SLC7A2: variants seen among roughly 807,000 people sequenced by gnomAD.
SLC7A2 encodes solute carrier family 7 member 2, also known as cationic amino acid transporter 2.
SLC7A2 carries 48 observed loss-of-function variants against 58.9 expected under a neutral mutation model. The observed-to-expected ratio is 0.82, with a 90% CI of 0.65 to 1.04. SLC7A2 has a LOEUF of 1.04. SLC7A2 is among the 50% of genes least tolerant of loss of function. The pLI is 0.00. For missense variants in SLC7A2, 1,029 were observed against 818.8 expected (o/e 1.26, Z -3.13); for synonymous variants, 363 against 314.5 (o/e 1.15, Z -1.63).
chr8:17,546,401 C>T (rs185587648), intron 4 of SLC7A2, among the ~76,000 whole-genome samples: 333 of 152,278 alleles, frequency 2.2e-3, no homozygotes, highest in African/African-American at 7.4e-3. Flanking sequence ...CTATTCATAT[C>T]GTAACACCAA....
chr8:17,559,713 A>C (rs1802872585), intron 9 of SLC7A2, among the ~76,000 whole-genome samples: 1 of 152,214 alleles, frequency 6.6e-6, no homozygotes, highest in Admixed American at 6.5e-5. Flanking sequence ...GGATTATGGG[A>C]ACTACAATTC....
At chr8:17,541,955 T>A (rs1333839208) in intron 2 of SLC7A2, among the ~76,000 whole-genome samples, 1 of 152,092 alleles carries the variant, frequency 6.6e-6, no homozygotes, top group Non-Finnish European at 1.5e-5. Context: ...AGGTGGGGAG[T>A]GTGACTTTTT....
intron 2 of SLC7A2, among the ~76,000 whole-genome samples, chr8:17,540,674 A>G (rs1342048754): frequency 6.6e-6 from 1 of 152,174 alleles, no homozygotes; most frequent in Non-Finnish European, 1.5e-5. Flanking sequence ...GGGTAGCTTA[A>G]TAATAAAAGC....
intron 10 of SLC7A2, among the ~76,000 whole-genome samples, chr8:17,561,291 G>A (rs2720559): frequency 0.16 from 23,732 of 152,128 alleles, 1,988 homozygotes; most frequent in African/African-American, 0.19. Context: ...CACGTGGTTA[G>A]GGAGGCCTCA....
intron 2 of SLC7A2, among the ~76,000 whole-genome samples, chr8:17,525,664 A>G (rs878983571): frequency 1.3e-5 from 2 of 152,210 alleles, no homozygotes; most frequent in South Asian, 2.1e-4. Context: ...ACATGCCTCA[A>G]CAGTGATTGG....
Position 17,554,698 on chromosome 8 carries a change from A to G in SLC7A2, c.1194A>G (p.Ala398=). ...IIATLSSGAV[A]ALMAFLFDLK... is the part of the protein sequence containing the mutation. ...CTACTTTATCATCGGGTGCAGTGGC[A>G]GGTGAGAGAGAGTTGACTTTTCTTC... is the stretch of plus-strand genomic sequence containing the variant. The change falls in exon 8 of 13, where the codon GCA becomes GCG. Residue 398 remains alanine (A), a splice_region_variant and synonymous_variant. Transcript: ENST00000494857. The G allele has an allele frequency of 1.2e-6, 2 of 1,606,066 alleles. No homozygotes were observed. Among genetic ancestry groups the G allele is most frequent in the Non-Finnish European group, 1.7e-6 (2 of 1,177,498 alleles).
chr8:17,508,488 C>T lies in SLC7A2; in HGVS notation c.-23+6186C>T, dbSNP rs1032412038. Among the ~76,000 whole-genome samples the T allele has an allele frequency of 7.9e-5, 12 of 152,256 alleles. No homozygotes were observed. The East Asian group carries it at 1.2e-3, about 15-fold the overall frequency. ...CCTGTAATCCCAGCACTTTGGGAGGCCAAGGCAGGCAGATCACCTGAGATC... is the reference window on the plus strand; with the variant it reads ...CCTGTAATCCCAGCACTTTGGGAGGTCAAGGCAGGCAGATCACCTGAGATC... On this transcript the variant is annotated intron_variant, in intron 2 of 12. Coordinates refer to ENST00000494857, the MANE Select transcript of SLC7A2 (RefSeq NM_001370338.1).
At chr8:17,494,524 A>G (rs1418954420), upstream of SLC7A2, among the ~76,000 whole-genome samples, 2 of 152,226 alleles carry the variant, frequency 1.3e-5, no homozygotes, top group Non-Finnish European at 2.9e-5. Flanking sequence ...CTCAACTGGG[A>G]AAAAGATGCT....
chr8:17,556,588 T>C (rs1021517544), intron 8 of SLC7A2, among the ~76,000 whole-genome samples: 1 of 151,322 alleles, frequency 6.6e-6, no homozygotes, highest in African/African-American at 2.4e-5. Flanking sequence ...AAAATTGTAA[T>C]AATCTGACGT....
intron 2 of SLC7A2, among the ~76,000 whole-genome samples, chr8:17,506,469 A>T (rs577903041): frequency 1.2e-3 from 176 of 152,260 alleles, no homozygotes; most frequent in Non-Finnish European, 2.2e-3. Flanking sequence ...TCCTGTGCGA[A>T]ATTTCAGAGG....
At chr8:17,495,167 C>T (rs1413928921), upstream of SLC7A2, among the ~76,000 whole-genome samples, 1 of 152,114 alleles carries the variant, frequency 6.6e-6, no homozygotes, top group South Asian at 2.1e-4. Context: ...TCAATGTTGA[C>T]CAGGTTGGCC....
rs1303194060 is a variant in SLC7A2 at position 17,567,170 on chromosome 8, A to T, written c.*2024A>T. 1.3e-5 allele frequency: 2 copies of T among 152,598 alleles called. No individual in the cohort carries two copies. The highest frequency in any genetic ancestry group is 4.8e-5 in the African/African-American group (2 of 41,436). 9.5% of individuals were successfully genotyped at this position (152,598 alleles called of 1,614,324 possible). On this transcript the variant is annotated 3_prime_UTR_variant, in exon 13 of 13. Coordinates refer to ENST00000494857, the MANE Select transcript of SLC7A2 (RefSeq NM_001370338.1). ...TGGAGAGAAGGAGTTGGATAAGCAC[A>T]GGCTCGGGTATTTTGGTAGGGACTG... is the stretch of plus-strand genomic sequence containing the variant.
At chr8:17,545,740 T>C (rs1802141377) in intron 4 of SLC7A2, among the ~76,000 whole-genome samples, 1 of 152,124 alleles carries the variant, frequency 6.6e-6, no homozygotes, top group Non-Finnish European at 1.5e-5. Flanking sequence ...CAGTCCTGCT[T>C]ATGTCCATCA....
intron 2 of SLC7A2, among the ~76,000 whole-genome samples, chr8:17,532,179 GAGATTGCGCCACT>G (rs1801477278): frequency 7.5e-6 from 1 of 132,708 alleles, no homozygotes; most frequent in Non-Finnish European, 1.5e-5. Flanking sequence ...GGAGTGAGCT[GAGATTGCGCCACT>G]ACACTCCAGC....
At chr8:17,501,353 C>T (rs139283122) in intron 1 of SLC7A2, among the ~76,000 whole-genome samples, 2 of 152,096 alleles carry the variant, frequency 1.3e-5, no homozygotes, top group African/African-American at 4.8e-5. Flanking sequence ...CTGAGAAAGG[C>T]CTCTGCTGCT....
intron 2 of SLC7A2, among the ~76,000 whole-genome samples, chr8:17,502,603 CT>C (rs1238470906): frequency 4.6e-5 from 7 of 152,140 alleles, no homozygotes; most frequent in African/African-American, 1.4e-4. Flanking sequence ...GTTCCTGGTT[CT>C]TGTGAATGTA....
chr8:17,548,745 C>T lies in SLC7A2; in HGVS notation c.600C>T (p.Leu200=), dbSNP rs151110836. Residue 200 remains leucine (L), a synonymous_variant, in exon 5 of 13, where the codon CTC becomes CTT. Transcript: ENST00000494857. Reference sequence around the variant, plus strand: ...AAGTCTTCACAGCTGTTAATATTCTCGTCCTTCTGTTTGTGATGGTTGCTG... The same window carrying T: ...AAGTCTTCACAGCTGTTAATATTCTTGTCCTTCTGTTTGTGATGGTTGCTG... ...VNKVFTAVNI[L]VLLFVMVAGF... is the part of the protein sequence containing the mutation. 1.2e-5 allele frequency: 19 copies of T among 1,613,556 alleles called. No homozygotes were observed. The highest frequency in any genetic ancestry group is 3.3e-4 in the Middle Eastern group (2 of 6,058).
intron 2 of SLC7A2, among the ~76,000 whole-genome samples, chr8:17,506,408 G>A (rs1031917569): frequency 6.6e-6 from 1 of 152,170 alleles, no homozygotes; most frequent in Admixed American, 6.5e-5. Flanking sequence ...CACTGTTGTG[G>A]TAGTTGGTTT....
At chr8:17,497,804 G>GAATCTTTACT (rs1800012790) in intron 1 of SLC7A2, among the ~76,000 whole-genome samples, 1 of 152,122 alleles carries the variant, frequency 6.6e-6, no homozygotes, top group Admixed American at 6.5e-5. Context: ...TGTTTGTATT[G>GAATCTTTACT]GGTATTTTAA....
Sources: allele counts gnomAD v4.1 joint callset (sites outside exome capture counted in the v4.1 genomes callset), GRCh38; gene constraint gnomAD v4.1.1; transcripts MANE v1.5; gene names NCBI Gene and HGNC (gene_info 2026-07-23, HGNC 2026-07-21).